ANXA6: variants seen among roughly 807,000 people sequenced by gnomAD.
The protein encoded by ANXA6 is 67 kDa calelectrin.
ANXA6 carries 71 observed loss-of-function variants against 95.4 expected under a neutral mutation model. That is an observed-to-expected ratio of 0.74 (90% CI 0.61 to 0.91). The LOEUF is 0.91. ANXA6 is among the 40% of genes least tolerant of loss of function. ANXA6 has a pLI of 0.00. For missense variants in ANXA6, 830 were observed against 876.4 expected (o/e 0.95, Z 0.67); for synonymous variants, 289 against 315.9 (o/e 0.91, Z 0.90).
intron 20 of ANXA6, among the ~76,000 whole-genome samples, chr5:151,116,613 GT>G (rs1765006662): frequency 6.6e-6 from 1 of 152,216 alleles, no homozygotes; most frequent in Non-Finnish European, 1.5e-5. Context: ...CTGATCATGT[GT>G]TACTTTGGAT....
chr5:151,101,127 T>C lies in ANXA6; in HGVS notation c.*321A>G, dbSNP rs1247785762. Reference sequence around the variant, plus strand: ...TCATTTTACAGACAGAGGTTCAGGATGTTTTTGGATCTGACATAGCCCAAA... The same window carrying C: ...TCATTTTACAGACAGAGGTTCAGGACGTTTTTGGATCTGACATAGCCCAAA... On this transcript the variant is annotated 3_prime_UTR_variant, in exon 26 of 26. Transcript: ENST00000354546. 1.9e-6 allele frequency: 1 copy of C among 530,978 alleles called. No homozygotes were observed. Among genetic ancestry groups the C allele is most frequent in the African/African-American group, 1.9e-5 (1 of 53,314 alleles). 32.9% of individuals were successfully genotyped at this position (530,978 alleles called of 1,614,324 possible). A position where few individuals can be genotyped will look rare whatever the true frequency, so the allele number is the denominator to read the frequency against.
intron 11 of ANXA6, 135 bp downstream of exon 11, chr5:151,131,096 A>T (rs1765498344): frequency 3.5e-6 from 3 of 865,144 alleles, no homozygotes; most frequent in South Asian, 3.4e-5. Flanking sequence ...CTCACCTGCG[A>T]CAGAGCACCT....
chr5:151,144,870 G>T (rs2113953026), intron 2 of ANXA6, among the ~76,000 whole-genome samples: 1 of 152,050 alleles, frequency 6.6e-6, no homozygotes, highest in South Asian at 2.1e-4. Context: ...TAGAAGCAAA[G>T]GTGGGGGGCT....
chr5:151,108,494 C>A lies in ANXA6; in HGVS notation c.1741G>T (p.Glu581Ter). ...NYDVEHTIKK[E>*]MSGDVRDAFV... ...GCATCCCTGACATCCCCAGACATCT[C>A]CTTCTTGATGGTGTGCTCCACGTCA... is the stretch of plus-strand genomic sequence containing the variant. The change falls in exon 23 of 26, where the codon GAG becomes TAG. Residue 581 changes from glutamate (E) to a stop codon, truncating the protein, a stop_gained. Transcript: ENST00000354546. LOFTEE classifies it high-confidence loss of function. 12 of 1,613,984 alleles carry A rather than the reference C, an allele frequency of 7.4e-6. No individual in the cohort carries two copies. Among genetic ancestry groups the A allele is most frequent in the Non-Finnish European group, 1.0e-5 (12 of 1,179,876 alleles).
chr5:151,119,521 A>T, intron 17 of ANXA6, 131 bp from the exon 18 acceptor site: 1 of 708,798 alleles, frequency 1.4e-6, no homozygotes, highest in Non-Finnish European at 2.4e-6. Context: ...CATGGCCCTC[A>T]GGCCCAAGAC....
rs764588560 is a variant in ANXA6 at position 151,129,492 on chromosome 5, A to G, written c.833T>C (p.Met278Thr). The G allele has an allele frequency of 2.5e-6, 4 of 1,611,174 alleles. No homozygotes were observed. The highest frequency in any genetic ancestry group is 3.4e-6 in the Non-Finnish European group (4 of 1,178,930). ...CATGTCCAACTCACTACGGGAGACC[A>G]TGATGCGGATCAGGGTGTTGTCCCG... is the stretch of plus-strand genomic sequence containing the variant. ...GTRDNTLIRI[M>T]VSRSELDMLD... The change falls in exon 12 of 26, where the codon ATG becomes ACG. Residue 278 changes from methionine to threonine, a missense_variant. Physicochemically the swap from Met to Thr is moderately conservative, Grantham distance 81. Transcript: ENST00000354546.
rs1765657639 is a variant in ANXA6 at position 151,136,252 on chromosome 5, C to T, written c.489+4G>A. ...CAGAGGAAAAAAATAGGCTGTGAAC[C>T]AACCTGGAGCAGGACCACAAGCATC... is the stretch of plus-strand genomic sequence containing the variant. On this transcript the variant is annotated splice_donor_region_variant and intron_variant, in intron 7 of 25. Coordinates refer to ENST00000354546, the MANE Select transcript of ANXA6 (RefSeq NM_001155.5). 1.9e-6 allele frequency: 3 copies of T among 1,613,726 alleles called. No individual in the cohort carries two copies. The highest frequency in any genetic ancestry group is 3.3e-5 in the Admixed American group (2 of 60,002).
rs772104015 is a variant in ANXA6, at chr5:151,129,475, A to G, written c.850T>C (p.Leu284=). ...LIRIMVSRSE[L]DMLDIREIFR... ...ATCTCCCGAATGTCGAGCATGTCCA[A>G]CTCACTACGGGAGACCATGATGCGG... The change falls in exon 12 of 26, where the codon TTG becomes CTG. Residue 284 remains leucine, a synonymous_variant. Coordinates refer to ENST00000354546, the MANE Select transcript of ANXA6 (RefSeq NM_001155.5). 9 of 1,612,660 alleles carry G rather than the reference A, an allele frequency of 5.6e-6. No individual in the cohort carries two copies. The highest frequency in any genetic ancestry group is 1.7e-4 in the Middle Eastern group (1 of 5,738).
chr5:151,101,702 A>G (rs1045900846), intron 25 of ANXA6, among the ~76,000 whole-genome samples, 195 bp from the exon 26 acceptor site: 2 of 152,124 alleles, frequency 1.3e-5, no homozygotes, highest in Non-Finnish European at 2.9e-5. Flanking sequence ...TATCCCCAGG[A>G]AGATATGCAA....
chr5:151,114,921 G>C (rs2113905198), intron 20 of ANXA6, among the ~76,000 whole-genome samples: 1 of 152,296 alleles, frequency 6.6e-6, no homozygotes, highest in African/African-American at 2.4e-5. Context: ...AAGTACTCAT[G>C]TGCGTTATCT....
intron 23 of ANXA6, 100 bp from the exon 24 acceptor site, chr5:151,105,403 A>G (rs371870585): frequency 4.0e-6 from 4 of 1,012,160 alleles, no homozygotes; most frequent in Admixed American, 1.8e-5. Flanking sequence ...CTATCCCTGC[A>G]TGGGTCTGCA....
chr5:151,109,990 C>T (rs755194845), intron 21 of ANXA6, 144 bp from the exon 22 acceptor site: 20 of 636,166 alleles, frequency 3.1e-5, no homozygotes, highest in Non-Finnish European at 5.7e-5. Context: ...AGACTGGTCC[C>T]CTCTTCCTTC....
chr5:151,122,907 A>T lies in ANXA6; in HGVS notation c.1233+10T>A. 1 of 1,612,818 alleles carries T rather than the reference A, an allele frequency of 6.2e-7. No homozygotes were observed. The highest frequency in any genetic ancestry group is 1.1e-5 in the South Asian group (1 of 91,060). On this transcript the variant is annotated intron_variant, in intron 16 of 25. Coordinates refer to ENST00000354546, the MANE Select transcript of ANXA6 (RefSeq NM_001155.5). The stretch of plus-strand genomic sequence containing the variant: ...CATGTTGCACAGAGAGCCCAGGAGG[A>T]GGTCCTTACCCGGCCAAAGTGAGAC...
intron 15 of ANXA6, 98 bp from the exon 16 acceptor site, chr5:151,123,109 G>C: frequency 2.8e-6 from 3 of 1,077,166 alleles, no homozygotes; most frequent in Non-Finnish European, 4.2e-6. Flanking sequence ...CTTTGTCAGG[G>C]TAGAAGCCTG....
In ANXA6 at chr5:151,134,433, A is replaced by T. The variant is rs751102494; in HGVS notation, c.540T>A (p.Asp180Glu). The change falls in exon 8 of 26, where the codon GAT becomes GAA. Residue 180 changes from aspartate to glutamate, a missense_variant. Coordinates refer to ENST00000354546, the MANE Select transcript of ANXA6 (RefSeq NM_001155.5). ...TTCAGTGGTGCTTGTTTACCTGGACATCCTGTTGTACCAGGTCCTCGCTCA... is the reference window on the plus strand; with the variant it reads ...TTCAGTGGTGCTTGTTTACCTGGACTTCCTGTTGTACCAGGTCCTCGCTCA... The part of the protein sequence containing the change: ...DVVSEDLVQQ[D>E]VQDLYEAGEL... 1.2e-6 allele frequency: 2 copies of T among 1,613,734 alleles called. No individual in the cohort carries two copies. The highest frequency in any genetic ancestry group is 1.7e-6 in the Non-Finnish European group (2 of 1,179,872).
chr5:151,112,428 C>T (rs1764875700), intron 20 of ANXA6, among the ~76,000 whole-genome samples: 1 of 152,088 alleles, frequency 6.6e-6, no homozygotes, highest in African/African-American at 2.4e-5. Context: ...CTGAAAATTT[C>T]TTAAAGATGC....
In ANXA6 at chr5:151,117,846, G is replaced by A; in HGVS notation, c.1439-9C>T. 1 of 1,611,476 alleles carries A rather than the reference G, an allele frequency of 6.2e-7. No individual in the cohort carries two copies. The highest frequency in any genetic ancestry group is 8.5e-7 in the Non-Finnish European group (1 of 1,177,816). On this transcript the variant is annotated splice_polypyrimidine_tract_variant and intron_variant, in intron 18 of 25. Transcript: ENST00000354546. ...CAGGGACTTGTGATAGTCTGAGGCA[G>A]AGAAAGGGGGTGTGGGTAGCTGCTG...
At chr5:151,148,446 G>A (rs573162379) in intron 1 of ANXA6, among the ~76,000 whole-genome samples, 9 of 152,254 alleles carry the variant, frequency 5.9e-5, no homozygotes, top group African/African-American at 1.7e-4. Context: ...GAGCTTGACC[G>A]CCTGCAGATA....
intron 24 of ANXA6, 130 bp from the exon 25 acceptor site, chr5:151,103,822 G>A: frequency 8.5e-7 from 1 of 1,177,986 alleles, no homozygotes; most frequent in Non-Finnish European, 1.1e-6. Context: ...TTCCACCTCT[G>A]TCTTCTGCAA....
Sources: gnomAD v4.1 joint callset for allele counts (sites outside exome capture counted in the v4.1 genomes callset) on GRCh38, gnomAD v4.1.1 for gene constraint, MANE v1.5 for transcripts, NCBI Gene and HGNC (gene_info 2026-07-23, HGNC 2026-07-21) for gene names.